The following ESRRG variants were observed in gnomAD, a reference collection of about 807,000 sequenced individuals.
ESRRG encodes the protein estrogen related receptor gamma.
Under a neutral mutation model 44.0 loss-of-function variants are expected in ESRRG, and 13 were observed. That is an observed-to-expected ratio of 0.30 (90% CI 0.19 to 0.47). ESRRG has a LOEUF of 0.47. Among genes scored for constraint, ESRRG ranks in the 20% least tolerant of loss-of-function variants. ESRRG has a pLI of 1.00. For synonymous variants in ESRRG, 215 were observed against 214.6 expected (o/e 1.00, Z -0.02); for missense variants, 395 against 580.6 (o/e 0.68, Z 3.29).
At position 217,032,274 on chromosome 1, in the gene ESRRG, G is replaced by T. The variant is rs140873006; in HGVS notation, c.-106+57233C>A. Among the ~76,000 whole-genome samples, 677 of 152,170 alleles carry T rather than the reference G, an allele frequency of 4.4e-3. 2 individuals carry two copies. Among genetic ancestry groups the T allele is most frequent in the African/African-American group, 0.015 (643 of 41,522 alleles). ...CAGTAAGTTCTCCACTGACCATTCA[G>T]TTCTTTCATTTTATGATTTTGGATC... On this transcript the variant is annotated intron_variant, in intron 1 of 7. Coordinates refer to the ESRRG transcript ENST00000359162.
chr1:216,905,549 C>G (rs1287242026), intron 2 of ESRRG, among the ~76,000 whole-genome samples: 1 of 152,064 alleles, frequency 6.6e-6, no homozygotes, highest in Non-Finnish European at 1.5e-5. Context: ...CTGGATAGTC[C>G]TCTTTGTATA....
At chr1:216,632,062 C>T (rs1325612607) in intron 3 of ESRRG, among the ~76,000 whole-genome samples, 1 of 152,202 alleles carries the variant, frequency 6.6e-6, no homozygotes, top group East Asian at 1.9e-4. Flanking sequence ...TTATCTAAAA[C>T]TCTATGACAA....
Position 216,761,160 on chromosome 1 carries a change from A to T in ESRRG, c.-13-83669T>A, listed in dbSNP as rs941086611. On this transcript the variant is annotated intron_variant, in intron 2 of 7. Transcript: ENST00000359162. ...TGCTTCCTGATAAACCTACTACACA[A>T]ATAAAAAAAAAAAATTTTCTTGTTC... Among the ~76,000 whole-genome samples, 5 of 136,596 alleles carry T rather than the reference A, an allele frequency of 3.7e-5. No individual in the cohort carries two copies. The Admixed American group carries it at 3.9e-4, about 11-fold the overall frequency. 89.6% of individuals were successfully genotyped at this position (136,596 alleles called of 152,430 possible).
intron 2 of ESRRG, among the ~76,000 whole-genome samples, chr1:216,810,311 C>T (rs1240126399): frequency 6.6e-6 from 1 of 152,070 alleles, no homozygotes; most frequent in Non-Finnish European, 1.5e-5. Flanking sequence ...ACCTGCTTAT[C>T]TATGTTCAGA....
At chr1:217,069,849 G>A (rs1333633774) in intron 1 of ESRRG, among the ~76,000 whole-genome samples, 1 of 152,108 alleles carries the variant, frequency 6.6e-6, no homozygotes, top group African/African-American at 2.4e-5. Flanking sequence ...CCCCAGCCTG[G>A]ATTCTAAGAA....
At chr1:216,802,345 T>C (rs2094648833) in intron 2 of ESRRG, among the ~76,000 whole-genome samples, 2 of 152,132 alleles carry the variant, frequency 1.3e-5, no homozygotes, top group Admixed American at 1.3e-4. Context: ...TGGGTATTTT[T>C]AGAAGAAGCA....
chr1:216,985,906 T>C (rs2074784581), intron 1 of ESRRG: 1 of 152,194 alleles, frequency 6.6e-6, no homozygotes, highest in Admixed American at 6.5e-5. Flanking sequence ...AATTAAAATA[T>C]AGGTCTCTTA....
chr1:216,619,731 A>G (rs1292664966), intron 3 of ESRRG, among the ~76,000 whole-genome samples: 1 of 152,192 alleles, frequency 6.6e-6, no homozygotes, highest in Non-Finnish European at 1.5e-5. Flanking sequence ...ATTTTTCACA[A>G]CATAGAATGG....
Position 216,506,945 on chromosome 1 carries a change from C to G in ESRRG, c.1371G>C (p.Lys457Asn). 6.2e-7 allele frequency: 1 copy of G among 1,613,642 alleles called. No individual in the cohort carries two copies. The highest frequency in any genetic ancestry group is 8.5e-7 in the Non-Finnish European group (1 of 1,179,716). ...AGGCCCAGGGAGCTTTTAGTCAGACCTTGGCCTCCAACATTTCCAAAAAAA... is the reference window on the plus strand; with the variant it reads ...AGGCCCAGGGAGCTTTTAGTCAGACGTTGGCCTCCAACATTTCCAAAAAAA... Reference protein sequence around the residue: ...HKLFLEMLEAKV With the variant: ...HKLFLEMLEANV Residue 457 changes from lysine to asparagine, a missense_variant, in exon 7 of 7, where the codon AAG becomes AAC. Physicochemically the swap from Lys to Asn is moderately conservative, Grantham distance 94. This residue lies in a region of ESRRG where 8 missense variants were observed against 25.4 expected (regional missense o/e 0.32). Transcript: ENST00000408911.
intron 2 of ESRRG, among the ~76,000 whole-genome samples, chr1:216,770,987 C>T (rs1462554278): frequency 6.6e-6 from 1 of 152,044 alleles, no homozygotes; most frequent in Non-Finnish European, 1.5e-5. Flanking sequence ...AAAACATCAG[C>T]CTTGATTCAC....
intron 2 of ESRRG, among the ~76,000 whole-genome samples, chr1:216,662,016 G>A (rs550733816): frequency 2.0e-5 from 3 of 152,256 alleles, no homozygotes; most frequent in South Asian, 4.1e-4. Context: ...ATGTGGATGG[G>A]TAATAATAAT....
chr1:216,589,986 A>G (rs1338948533), intron 3 of ESRRG, among the ~76,000 whole-genome samples: 1 of 151,538 alleles, frequency 6.6e-6, no homozygotes, highest in African/African-American at 2.4e-5. Context: ...GAAAAAATAT[A>G]TATAACAGCA....
At chr1:216,687,799 T>C (rs576315417) in intron 1 of ESRRG, among the ~76,000 whole-genome samples, 36 of 152,218 alleles carry the variant, frequency 2.4e-4, no homozygotes, top group Non-Finnish European at 4.0e-4. Context: ...GCAGCCCTTA[T>C]TAGGTGAAAA....
intron 1 of ESRRG, among the ~76,000 whole-genome samples, chr1:217,104,017 G>T (rs2092556135): frequency 6.6e-6 from 1 of 152,282 alleles, no homozygotes; most frequent in Non-Finnish European, 1.5e-5. Flanking sequence ...AGCACTGTTT[G>T]CTCTGATCCT....
chr1:216,880,229 C>T (rs1283561004), intron 2 of ESRRG, among the ~76,000 whole-genome samples: 1 of 141,450 alleles, frequency 7.1e-6, no homozygotes, highest in Non-Finnish European at 1.5e-5. Flanking sequence ...ATTGCTTGAA[C>T]CCAGGAGGCA....
chr1:216,775,173 A>C (rs2093554711), intron 2 of ESRRG, among the ~76,000 whole-genome samples: 1 of 151,974 alleles, frequency 6.6e-6, no homozygotes, highest in South Asian at 2.1e-4. Flanking sequence ...GAACATAGCA[A>C]TATCGCCCTA....
chr1:216,621,432 G>T (rs1370474307), intron 3 of ESRRG, among the ~76,000 whole-genome samples: 1 of 152,146 alleles, frequency 6.6e-6, no homozygotes, highest in African/African-American at 2.4e-5. Context: ...CAGCCCATTT[G>T]TTGCTAGGTA....
At chr1:216,800,100 A>C (rs1429733446) in intron 2 of ESRRG, among the ~76,000 whole-genome samples, 2 of 152,220 alleles carry the variant, frequency 1.3e-5, no homozygotes, top group Non-Finnish European at 2.9e-5. Context: ...TTCGGTTGTA[A>C]ATAAGCTAAC....
chr1:216,529,977 T>A (rs1026537081), intron 5 of ESRRG, among the ~76,000 whole-genome samples: 3 of 151,808 alleles, frequency 2.0e-5, no homozygotes, highest in African/African-American at 7.3e-5. Flanking sequence ...CTGGGCATAG[T>A]GGCATGGGTA....
Sources: allele counts gnomAD v4.1 joint callset (sites outside exome capture counted in the v4.1 genomes callset), GRCh38; gene constraint gnomAD v4.1.1; regional missense constraint gnomAD v4.1.1; transcripts MANE v1.5; gene names NCBI Gene and HGNC (gene_info 2026-07-23, HGNC 2026-07-21).